Variants in UGT1A7 observed in about 807,000 individuals in gnomAD.
The protein encoded by UGT1A7 is UDP glucuronosyltransferase family 1 member A7, also known as UDP-glucuronosyltransferase 1A7.
In UGT1A7, 33 loss-of-function variants were observed where a neutral mutation model predicts 45.6. The ratio of observed to expected loss-of-function variants is 0.72; its 90% confidence interval spans 0.55 to 0.97. UGT1A7 has a LOEUF of 0.97. Among genes scored for constraint, UGT1A7 ranks in the 50% least tolerant of loss-of-function variants. The pLI is 0.00. For synonymous variants in UGT1A7, 274 were observed against 250.6 expected (o/e 1.09, Z -0.88); for missense variants, 684 against 666.2 (o/e 1.03, Z -0.29).
chr2:233,735,210 C>T (rs1481104383), intron 1 of UGT1A7, among the ~76,000 whole-genome samples: 2 of 152,078 alleles, frequency 1.3e-5, no homozygotes, highest in Non-Finnish European at 2.9e-5. Context: ...GTATTGGGTG[C>T]ATATATATTT....
Position 233,767,098 on chromosome 2 carries a change from T to C in UGT1A7, c.920T>C (p.Met307Thr). 1.2e-6 allele frequency: 2 copies of C among 1,614,160 alleles called. No homozygotes were observed. Among genetic ancestry groups the C allele is most frequent in the Non-Finnish European group, 8.5e-7 (1 of 1,180,018 alleles). The change falls in exon 2 of 5, where the codon ATG (methionine) becomes ACG (threonine). Residue 307 changes from methionine to threonine, a missense_variant. Transcript: ENST00000373426. Reference protein sequence around the residue: ...HGIVVFSLGSMVSEIPEKKAM... With the variant: ...HGIVVFSLGSTVSEIPEKKAM... ...ATTGTGGTTTTCTCTTTGGGATCAA[T>C]GGTCTCAGAAATTCCAGAGAAGAAA... is the stretch of plus-strand genomic sequence containing the variant.
Position 233,772,848 on chromosome 2 carries a change from A to T in UGT1A7, c.*289A>T. 1.3e-6 allele frequency: 1 copy of T among 775,120 alleles called. No homozygotes were observed. Among genetic ancestry groups the T allele is most frequent in the Non-Finnish European group, 1.8e-6 (1 of 542,660 alleles). The allele number at this position is 775,120 out of a possible 1,614,324, so 48.0% of individuals were successfully genotyped here. ...GCTGGCATTCTAGATTACTTTTCTT[A>T]CTCTGAAACATGGCCTGTTTGGGAG... On this transcript the variant is annotated 3_prime_UTR_variant, in exon 5 of 5. Coordinates refer to ENST00000373426, the MANE Select transcript of UGT1A7 (RefSeq NM_019077.3).
chr2:233,688,596 C>T (rs544996820), intron 1 of UGT1A7, among the ~76,000 whole-genome samples: 2 of 152,264 alleles, frequency 1.3e-5, no homozygotes, highest in African/African-American at 4.8e-5. Context: ...GTTGGTGTTA[C>T]AGAATAACAC....
intron 1 of UGT1A7, chr2:233,760,742 C>A (rs760143782): frequency 6.2e-7 from 1 of 1,614,166 alleles, no homozygotes; most frequent in Non-Finnish European, 8.5e-7. Flanking sequence ...CTGACGGACC[C>A]TTTCCTTCCT....
At chr2:233,683,301 A>C (rs1326202137) in intron 1 of UGT1A7, among the ~76,000 whole-genome samples, 1 of 152,134 alleles carries the variant, frequency 6.6e-6, no homozygotes, top group Non-Finnish European at 1.5e-5. Flanking sequence ...TTTACAGGTC[A>C]ATGCATACAG....
At chr2:233,743,792 G>C (rs775660405) in intron 1 of UGT1A7, 3 of 1,367,294 alleles carry the variant, frequency 2.2e-6, no homozygotes, top group Non-Finnish European at 2.9e-6. Flanking sequence ...TCTCCTCTCC[G>C]CTTCCTCCTT....
intron 1 of UGT1A7, chr2:233,730,057 T>C: frequency 1.9e-6 from 3 of 1,611,758 alleles, no homozygotes; most frequent in South Asian, 1.1e-5. Context: ...AAAATGTATT[T>C]ATTTAAAATT....
chr2:233,718,024 G>C (rs566004281), intron 1 of UGT1A7: 1 of 386,248 alleles, frequency 2.6e-6, no homozygotes, highest in East Asian at 7.2e-5. Flanking sequence ...CAGCTCCCCA[G>C]GTCCTTTGGT....
chr2:233,719,021 G>A (rs751307422), intron 1 of UGT1A7: 3 of 1,614,262 alleles, frequency 1.9e-6, no homozygotes, highest in Non-Finnish European at 2.5e-6. Context: ...AGGTGAATAT[G>A]CACATCAAAG....
intron 1 of UGT1A7, chr2:233,719,131 A>T: frequency 2.5e-6 from 4 of 1,614,200 alleles, no homozygotes; most frequent in Non-Finnish European, 3.4e-6. Flanking sequence ...TTTGAAACAG[A>T]ACATCTTCTG....
At chr2:233,736,815 C>T (rs924470141) in intron 1 of UGT1A7, among the ~76,000 whole-genome samples, 1 of 152,206 alleles carries the variant, frequency 6.6e-6, no homozygotes, top group African/African-American at 2.4e-5. Context: ...GAGGTCCACT[C>T]CAGATGCTCT....
At chr2:233,740,735 C>T (rs1403537292) in intron 1 of UGT1A7, 2 of 151,614 alleles carry the variant, frequency 1.3e-5, no homozygotes, top group Non-Finnish European at 2.9e-5. Flanking sequence ...AGGAAATGCC[C>T]CCTTTTACAC....
intron 1 of UGT1A7, among the ~76,000 whole-genome samples, chr2:233,686,415 A>G (rs536972328): frequency 1.3e-5 from 2 of 152,306 alleles, no homozygotes; most frequent in South Asian, 2.1e-4. Context: ...AGGTGTGCAG[A>G]TAAACACACG....
chr2:233,744,582 C>T (rs1692857811), intron 1 of UGT1A7, among the ~76,000 whole-genome samples: 2 of 151,846 alleles, frequency 1.3e-5, no homozygotes, highest in African/African-American at 4.9e-5. Flanking sequence ...CATCGTTTTA[C>T]AGTTTTTGCA....
At chr2:233,738,669 A>C (rs1295571840) in intron 1 of UGT1A7, among the ~76,000 whole-genome samples, 2 of 152,218 alleles carry the variant, frequency 1.3e-5, no homozygotes, top group African/African-American at 4.8e-5. Context: ...CTTGAGAGAG[A>C]TGATCTGAAA....
At chr2:233,729,970 G>A in intron 1 of UGT1A7, 4 of 1,614,030 alleles carry the variant, frequency 2.5e-6, no homozygotes, top group Non-Finnish European at 3.4e-6. Flanking sequence ...CATCAACTGT[G>A]CCAACAGGAA....
chr2:233,698,964 G>A (rs996769646), intron 1 of UGT1A7, among the ~76,000 whole-genome samples: 3 of 152,212 alleles, frequency 2.0e-5, no homozygotes, highest in Non-Finnish European at 4.4e-5. Context: ...GGCCCTTGGG[G>A]AAGCCCTTTG....
chr2:233,696,474 G>A (rs1025416296), intron 1 of UGT1A7, among the ~76,000 whole-genome samples: 1 of 152,046 alleles, frequency 6.6e-6, no homozygotes, highest in Non-Finnish European at 1.5e-5. Flanking sequence ...AGTTGATCTT[G>A]TATACTGCAA....
intron 1 of UGT1A7, among the ~76,000 whole-genome samples, chr2:233,700,721 A>G (rs183855349): frequency 6.2e-4 from 94 of 152,090 alleles, no homozygotes; most frequent in African/African-American, 2.1e-3. Context: ...TCTTTTTTTA[A>G]AAATTTTATT....
Sources: allele counts gnomAD v4.1 joint callset (sites outside exome capture counted in the v4.1 genomes callset), GRCh38; gene constraint gnomAD v4.1.1; transcripts MANE v1.5; gene names NCBI Gene and HGNC (gene_info 2026-07-23, HGNC 2026-07-21).